CHMP6: variants seen among roughly 807,000 people sequenced by gnomAD.
CHMP6 encodes charged multivesicular body protein 6.
Under a neutral mutation model 32.8 loss-of-function variants are expected in CHMP6, and 10 were observed. The observed-to-expected ratio is 0.30, with a 90% CI of 0.19 to 0.52. CHMP6 has a LOEUF of 0.52. CHMP6 is among the 20% of genes least tolerant of loss of function. The probability of loss-of-function intolerance (pLI) is 0.97; values close to 1 mark genes in which losing one functional copy is unlikely to be tolerated. For synonymous variants in CHMP6, 123 were observed against 105.8 expected, an observed-to-expected ratio of 1.16 and a Z score of -1.00; for missense variants, 269 against 263.8, an observed-to-expected ratio of 1.02 and a Z score of -0.14.
chr17:80,994,364 C>G (rs1336040776), intron 1 of CHMP6, among the ~76,000 whole-genome samples: 6 of 152,236 alleles, frequency 3.9e-5, no homozygotes, highest in Non-Finnish European at 2.9e-5. Flanking sequence ...GGGTGACCCT[C>G]TGGTGGGGCC....
At chr17:80,992,829 C>T (rs1273818665) in intron 1 of CHMP6, among the ~76,000 whole-genome samples, 1 of 152,232 alleles carries the variant, frequency 6.6e-6, no homozygotes, top group Admixed American at 6.5e-5. Flanking sequence ...GAAAGCAGGG[C>T]TAGCTTTTTC....
Position 81,000,054 on chromosome 17 carries a change from G to A in CHMP6, c.*901G>A, listed in dbSNP as rs2069672624. On this transcript the variant is annotated 3_prime_UTR_variant, in exon 8 of 8. Transcript: ENST00000325167. The stretch of plus-strand genomic sequence containing the variant: ...CTCGCTGGGACCGCCCCTGCCCGTG[G>A]AAAGCCACAAGGACAAAGGGAGCGG... 1 of 152,334 alleles carries A rather than the reference G, an allele frequency of 6.6e-6. No homozygotes were observed. The highest frequency in any genetic ancestry group is 2.4e-5 in the African/African-American group (1 of 41,462). 9.4% of individuals were successfully genotyped at this position (152,334 alleles called of 1,614,324 possible).
chr17:80,997,119 A>G, intron 5 of CHMP6, 47 bp downstream of exon 5: 1 of 1,609,126 alleles, frequency 6.2e-7, no homozygotes, highest in Non-Finnish European at 8.5e-7. Context: ...AGAACCCACA[A>G]GGCCACCCTC....
chr17:80,998,814 T>C (rs2069661470), intron 7 of CHMP6: 3 of 772,938 alleles, frequency 3.9e-6, no homozygotes, highest in African/African-American at 3.5e-5. Flanking sequence ...GAACCGTCCA[T>C]CCACGTTTGT....
At chr17:80,992,110 G>A in intron 1 of CHMP6, 129 bp downstream of exon 1, 1 of 568,744 alleles carries the variant, frequency 1.8e-6, no homozygotes, top group Non-Finnish European at 2.5e-6. Flanking sequence ...GGCGCAGCGC[G>A]CAGCCGGGCC....
intron 6 of CHMP6, among the ~76,000 whole-genome samples, chr17:80,997,612 C>T (rs575266924): frequency 2.9e-4 from 44 of 152,228 alleles, no homozygotes; most frequent in African/African-American, 1.0e-3. Flanking sequence ...CCCCGGCTGT[C>T]ACGGATGTGG....
rs1482297900 is a variant in CHMP6, at chr17:80,999,136, C to T, written c.589C>T (p.Leu197=). Reference sequence around the variant, plus strand: ...CAAGGCCAGGCCCAGGCAGGCGGAGCTGGTGGCAGCTTCGTAACGTGGCCT... The same window carrying T: ...CAAGGCCAGGCCCAGGCAGGCGGAGTTGGTGGCAGCTTCGTAACGTGGCCT... The part of the protein sequence containing the change: ...PVKARPRQAE[L]VAAS Residue 197 remains leucine, a synonymous_variant, in exon 8 of 8, where the codon CTG becomes TTG. Transcript: ENST00000325167. 5.0e-6 allele frequency: 8 copies of T among 1,613,918 alleles called. No homozygotes were observed. Among genetic ancestry groups the T allele is most frequent in the African/African-American group, 1.3e-5 (1 of 74,934 alleles).
chr17:80,998,451 T>C (rs2069657801), intron 7 of CHMP6, 31 bp downstream of exon 7: 4 of 1,613,930 alleles, frequency 2.5e-6, no homozygotes, highest in African/African-American at 1.3e-5. Context: ...TTTGAATGGT[T>C]GGAATTCGCA....
intron 1 of CHMP6, 80 bp downstream of exon 1, chr17:80,992,061 C>T (rs951548603): frequency 5.7e-6 from 6 of 1,043,934 alleles, no homozygotes; most frequent in African/African-American, 5.1e-5. Flanking sequence ...CGGAAGAGCC[C>T]CGCGCCCTCG....
chr17:80,998,579 T>C (rs1307734929), intron 7 of CHMP6, 159 bp downstream of exon 7: 9 of 1,492,592 alleles, frequency 6.0e-6, no homozygotes, highest in Middle Eastern at 2.1e-4. Flanking sequence ...GGCCTTGGGG[T>C]TGGGCTTGGG....
intron 6 of CHMP6, 117 bp from the exon 7 acceptor site, chr17:80,998,249 C>A: frequency 8.2e-7 from 1 of 1,215,940 alleles, no homozygotes; most frequent in Non-Finnish European, 1.2e-6. Flanking sequence ...CGTTCCTGTC[C>A]GCTTTAACTC....
intron 1 of CHMP6, 86 bp downstream of exon 1, chr17:80,992,067 C>T (rs2069596956): frequency 1.0e-6 from 1 of 964,840 alleles, no homozygotes; most frequent in Non-Finnish European, 1.3e-6. Context: ...AGCCCCGCGC[C>T]CTCGGCCCCC....
In CHMP6 at chr17:80,998,352, T is replaced by G. The variant is rs2069656798; in HGVS notation, c.496-14T>G. 1.9e-6 allele frequency: 3 copies of G among 1,614,154 alleles called. No homozygotes were observed. In the East Asian group the frequency reaches 6.7e-5, roughly 36 times the overall value. On this transcript the variant is annotated splice_polypyrimidine_tract_variant and intron_variant, in intron 6 of 7. Coordinates refer to ENST00000325167, the MANE Select transcript of CHMP6 (RefSeq NM_024591.5). The stretch of plus-strand genomic sequence containing the variant: ...CTGTCACCTGCTCATAGCCTTACCC[T>G]TTGCTTCTTGCAGGAACAAATAGAG...
rs189238045 is a variant in CHMP6, at chr17:80,999,493, G to T, written c.*340G>T. ...TCCCAGCCCCGCGTGGCTCGCGCTC[G>T]TCTGTGAGGAAGACACCTCCAGACC... is the stretch of plus-strand genomic sequence containing the variant. On this transcript the variant is annotated 3_prime_UTR_variant, in exon 8 of 8. Transcript: ENST00000325167. The T allele has an allele frequency of 1.8e-4, 51 of 284,260 alleles. No individual in the cohort carries two copies. Among genetic ancestry groups the T allele is most frequent in the Non-Finnish European group, 3.2e-4 (47 of 147,818 alleles). The allele number at this position is 284,260 out of a possible 1,614,324, so 17.6% of individuals were successfully genotyped here.
chr17:80,997,129 CGAG>C, intron 5 of CHMP6, 57 bp downstream of exon 5: 1 of 1,606,514 alleles, frequency 6.2e-7, no homozygotes, highest in East Asian at 2.2e-5. Context: ...AGGCCACCCT[CGAG>C]GGCCAAACTG....
intron 3 of CHMP6, among the ~76,000 whole-genome samples, chr17:80,995,336 G>C (rs1430290545): frequency 2.0e-5 from 3 of 152,176 alleles, no homozygotes; most frequent in East Asian, 3.9e-4. Context: ...AGGTGGGGAA[G>C]GTTGGGCCAC....
At chr17:80,998,624 A>T (rs2069660012) in intron 7 of CHMP6, 2 of 1,436,322 alleles carry the variant, frequency 1.4e-6, no homozygotes, top group South Asian at 1.5e-5. Flanking sequence ...CAACCTCATA[A>T]GAGAGCCATA....
At chr17:80,992,240 C>T (rs899583617) in intron 1 of CHMP6, among the ~76,000 whole-genome samples, 8 of 151,742 alleles carry the variant, frequency 5.3e-5, no homozygotes, top group Non-Finnish European at 1.2e-4. Flanking sequence ...CGAGCCCCGC[C>T]GGGGTGGGCG....
rs767600103 is a variant in CHMP6 at position 80,991,901 on chromosome 17, C to T, written c.-18C>T. 8 of 1,452,468 alleles carry T rather than the reference C, an allele frequency of 5.5e-6. No homozygotes were observed. The highest frequency in any genetic ancestry group is 7.3e-6 in the Non-Finnish European group (8 of 1,095,260). 90.0% of individuals were successfully genotyped at this position (1,452,468 alleles called of 1,614,324 possible). A position where few individuals can be genotyped will look rare whatever the true frequency, so the allele number is the denominator to read the frequency against. ...GCGATTGGACTTGGTGGGTCCCGGGCCAGGGGCGGGCGCCGCCATGGGTAA... is the reference window on the plus strand; with the variant it reads ...GCGATTGGACTTGGTGGGTCCCGGGTCAGGGGCGGGCGCCGCCATGGGTAA... On this transcript the variant is annotated 5_prime_UTR_variant, in exon 1 of 8. Transcript: ENST00000325167.
Sources: allele counts gnomAD v4.1 joint callset (sites outside exome capture counted in the v4.1 genomes callset), GRCh38; gene constraint gnomAD v4.1.1; transcripts MANE v1.5; gene names NCBI Gene and HGNC (gene_info 2026-07-23, HGNC 2026-07-21).